STXBP5L: variants seen among roughly 807,000 people sequenced by gnomAD.
STXBP5L encodes the protein syntaxin binding protein 5L.
Under a neutral mutation model 144.5 loss-of-function variants are expected in STXBP5L, and 65 were observed. The observed-to-expected ratio is 0.45, with a 90% CI of 0.37 to 0.55. The LOEUF is 0.55. Ranked by LOEUF, STXBP5L falls within the 20% of genes least tolerant of loss-of-function variation. STXBP5L has a pLI of 0.00. For synonymous variants in STXBP5L, 505 were observed against 469.6 expected (o/e 1.08, Z -0.97); for missense variants, 1,298 against 1,405.5 (o/e 0.92, Z 1.22).
intron 9 of STXBP5L, among the ~76,000 whole-genome samples, chr3:121,163,377 A>C (rs1274406453): frequency 6.6e-6 from 1 of 152,024 alleles, no homozygotes; most frequent in Admixed American, 6.6e-5. Flanking sequence ...AGCAGTGAGA[A>C]CACATGGACA....
chr3:121,250,840 G>T, intron 15 of STXBP5L, 77 bp downstream of exon 15: 1 of 1,295,114 alleles, frequency 7.7e-7, no homozygotes, highest in Non-Finnish European at 1.1e-6. Context: ...TTTTAGTTTG[G>T]GCAATTAAAA....
intron 22 of STXBP5L, among the ~76,000 whole-genome samples, chr3:121,404,576 C>CT (rs1361730359): frequency 6.6e-6 from 1 of 152,116 alleles, no homozygotes; most frequent in Non-Finnish European, 1.5e-5. Flanking sequence ...TGTGGCTCTA[C>CT]TTTATCTCTC....
intron 10 of STXBP5L, among the ~76,000 whole-genome samples, chr3:121,211,235 T>G (rs1284078993): frequency 2.0e-5 from 3 of 152,144 alleles, no homozygotes; most frequent in African/African-American, 7.2e-5. Flanking sequence ...CTCTGTCTGT[T>G]ATTGGTGTAT....
rs1304149832 is a variant in STXBP5L, at chr3:121,409,575, CCTAT to C, written c.2948+1975_2948+1978del. ...CCAAAACAAAATCGACCTCCATTCC[CCTAT>C]CTGATTTTGTACAGCCTGCAAGCAT... On this transcript the variant is annotated intron_variant, in intron 23 of 26. Transcript: ENST00000471454. 3.3e-5 allele frequency among the ~76,000 whole-genome samples: 5 copies of C among 151,804 alleles called. No homozygotes were observed. The East Asian group carries it at 9.6e-4, about 29-fold the overall frequency.
At chr3:121,207,741 A>C (rs1410606299) in intron 10 of STXBP5L, among the ~76,000 whole-genome samples, 2 of 152,246 alleles carry the variant, frequency 1.3e-5, no homozygotes, top group East Asian at 3.9e-4. Flanking sequence ...AATGCTCATC[A>C]TCACTGGCCA....
rs746042640 is a variant in STXBP5L at position 120,971,240 on chromosome 3, A to AT, written c.287+16210dup. ...TTTACAATTTTATTTATTTAAGAAA[A>AT]TTTTTTTGTAAATTTTTCAAGTGCA... On this transcript the variant is annotated intron_variant, in intron 3 of 26. Coordinates refer to ENST00000471454, the MANE Select transcript of STXBP5L (RefSeq NM_001308330.2). 5.3e-5 allele frequency among the ~76,000 whole-genome samples: 8 copies of AT among 152,070 alleles called. No individual in the cohort carries two copies. The South Asian group carries it at 8.3e-4, about 16-fold the overall frequency.
intron 22 of STXBP5L, among the ~76,000 whole-genome samples, chr3:121,391,066 G>A (rs2046571647): frequency 6.6e-6 from 1 of 151,924 alleles, no homozygotes. Flanking sequence ...ATATTTCTTG[G>A]AGGCTTTATT....
chr3:121,411,282 A>AT (rs2047109480), intron 23 of STXBP5L, among the ~76,000 whole-genome samples: 1 of 152,088 alleles, frequency 6.6e-6, no homozygotes, highest in South Asian at 2.1e-4. Flanking sequence ...TTCAGGTCCC[A>AT]TTTTACATAG....
At position 121,353,196 on chromosome 3, in the gene STXBP5L, T is replaced by C. The variant is rs549055305; in HGVS notation, c.2177-25520T>C. ...TGGTATCAGCATGATGTTGGCCTCA[T>C]AAAATGAGTTTGGGAGGATCCCCTC... On this transcript the variant is annotated intron_variant, in intron 20 of 26. Transcript: ENST00000471454. 9.8e-5 allele frequency among the ~76,000 whole-genome samples: 15 copies of C among 152,360 alleles called. No individual in the cohort carries two copies. The East Asian group carries it at 2.9e-3, about 29-fold the overall frequency.
chr3:121,313,698 T>C (rs1272654605), intron 19 of STXBP5L, among the ~76,000 whole-genome samples: 4 of 46,756 alleles, frequency 8.6e-5, no homozygotes, highest in African/African-American at 1.9e-4. Context: ...GAGGAGCCCC[T>C]CACCTCCCGG....
intron 11 of STXBP5L, among the ~76,000 whole-genome samples, chr3:121,228,826 G>A (rs987788720): frequency 1.3e-5 from 2 of 152,178 alleles, no homozygotes; most frequent in Non-Finnish European, 2.9e-5. Context: ...CCAGTGAGCC[G>A]AGATCATGCC....
chr3:121,204,710 T>G (rs991435366), intron 9 of STXBP5L, among the ~76,000 whole-genome samples: 3 of 152,050 alleles, frequency 2.0e-5, no homozygotes, highest in Non-Finnish European at 2.9e-5. Flanking sequence ...AATACAAGAA[T>G]AAATAAGGGT....
At position 121,407,620 on chromosome 3, in the gene STXBP5L, A is replaced by G. The variant is rs774195845; in HGVS notation, c.2948+17A>G. 4.3e-6 allele frequency: 7 copies of G among 1,612,650 alleles called. No individual in the cohort carries two copies. In the East Asian group the frequency reaches 1.6e-4, roughly 36 times the overall value. On this transcript the variant is annotated intron_variant, in intron 23 of 26. Coordinates refer to ENST00000471454, the MANE Select transcript of STXBP5L (RefSeq NM_001308330.2). Reference sequence around the variant, plus strand: ...GATAATGAGGTACTTGCCTTCTTATAAATTATCTGGTAATCACAACAATAC... The same window carrying G: ...GATAATGAGGTACTTGCCTTCTTATGAATTATCTGGTAATCACAACAATAC...
rs377436841 is a variant in STXBP5L at position 121,233,619 on chromosome 3, T to G, written c.1115T>G (p.Phe372Cys). 3.0e-5 allele frequency: 48 copies of G among 1,608,192 alleles called. No individual in the cohort carries two copies. In the African/African-American group the frequency reaches 6.0e-4, roughly 20 times the overall value. The change falls in exon 12 of 27, where the codon TTT becomes TGT. Residue 372 changes from phenylalanine (F) to cysteine (C), a missense_variant. Transcript: ENST00000471454. Reference sequence around the variant, plus strand: ...CATTTTTTATTTTTACTTGTAGAATTTCAAGAACCCTATGCTGTCGTGGTA... The same window carrying G: ...CATTTTTTATTTTTACTTGTAGAATGTCAAGAACCCTATGCTGTCGTGGTA... ...TLCETPYPNE[F>C]QEPYAVVVLL... is the part of the protein sequence containing the mutation.
At chr3:121,288,927 C>T (rs187256508) in intron 19 of STXBP5L, among the ~76,000 whole-genome samples, 2 of 152,180 alleles carry the variant, frequency 1.3e-5, no homozygotes, top group Non-Finnish European at 2.9e-5. Context: ...TCCTATGTCA[C>T]ATGGACAAAA....
chr3:121,360,907 T>C (rs112921258), intron 20 of STXBP5L, among the ~76,000 whole-genome samples: 1 of 152,160 alleles, frequency 6.6e-6, no homozygotes, highest in Admixed American at 6.5e-5. Flanking sequence ...CAGGTGGTTA[T>C]ATATTGCTCA....
At chr3:120,979,529 G>A (rs549838829) in intron 3 of STXBP5L, among the ~76,000 whole-genome samples, 3 of 152,238 alleles carry the variant, frequency 2.0e-5, no homozygotes, top group African/African-American at 7.2e-5. Context: ...CCCTGCTTTG[G>A]CTCACGCACA....
intron 3 of STXBP5L, among the ~76,000 whole-genome samples, chr3:121,029,880 G>A (rs1007173161): frequency 6.6e-6 from 1 of 151,326 alleles, no homozygotes; most frequent in African/African-American, 2.4e-5. Flanking sequence ...TATGAACAGA[G>A]ACTTCTCAAA....
intron 19 of STXBP5L, among the ~76,000 whole-genome samples, chr3:121,295,174 T>A (rs980385843): frequency 2.0e-5 from 3 of 151,778 alleles, no homozygotes; most frequent in Non-Finnish European, 4.4e-5. Context: ...AAAAAGAGAT[T>A]GAGGATAAGG....
Sources: allele counts gnomAD v4.1 joint callset (sites outside exome capture counted in the v4.1 genomes callset), GRCh38; gene constraint gnomAD v4.1.1; transcripts MANE v1.5; gene names NCBI Gene and HGNC (gene_info 2026-07-23, HGNC 2026-07-21).